OLFM3: variants seen among roughly 807,000 people sequenced by gnomAD.
OLFM3 encodes the protein olfactomedin 3.
OLFM3 carries 20 observed loss-of-function variants against 48.6 expected under a neutral mutation model. The ratio of observed to expected loss-of-function variants is 0.41; its 90% CI spans 0.29 to 0.60. OLFM3 has a LOEUF of 0.60. OLFM3 is among the 20% of genes least tolerant of loss of function. The pLI is 0.28. For missense variants in OLFM3, 437 were observed against 544.3 expected (o/e 0.80, Z 1.96); for synonymous variants, 222 against 198.1 (o/e 1.12, Z -1.01).
At chr1:101,901,810 A>G (rs1658396046) in intron 1 of OLFM3, among the ~76,000 whole-genome samples, 2 of 152,080 alleles carry the variant, frequency 1.3e-5, no homozygotes, top group South Asian at 4.1e-4. Flanking sequence ...CAGGAGAGTC[A>G]GTGGAAAAGT....
chr1:101,978,628 T>C lies in OLFM3; in HGVS notation c.69+18120A>G, dbSNP rs116024901. Among the ~76,000 whole-genome samples the C allele has an allele frequency of 1.1e-3, 170 of 152,308 alleles. 1 individual carries two copies. Among genetic ancestry groups the C allele is most frequent in the African/African-American group, 3.8e-3 (160 of 41,586 alleles). Reference sequence around the variant, plus strand: ...AATTAATGTAATTAGTTTTGATCATTGAGGTTTCACTCTTTAGTAGTAACC... The same window carrying C: ...AATTAATGTAATTAGTTTTGATCATCGAGGTTTCACTCTTTAGTAGTAACC... On this transcript the variant is annotated intron_variant, in intron 1 of 5. Transcript: ENST00000370103.
At chr1:101,855,197 T>A (rs905018473) in intron 1 of OLFM3, among the ~76,000 whole-genome samples, 45 of 152,230 alleles carry the variant, frequency 3.0e-4, no homozygotes, top group African/African-American at 1.0e-3. Flanking sequence ...AGAAGCTTCC[T>A]TATTTAAGCC....
Position 101,803,084 on chromosome 1 carries a change from C to G in OLFM3, c.*1154G>C, listed in dbSNP as rs1230880655. On this transcript the variant is annotated 3_prime_UTR_variant, in exon 6 of 6. Transcript: ENST00000370103. ...AACCACAAAGACAACTCCCAAGTCT[C>G]CCCATATTTTATTTTGCACAAATCT... 4 of 152,084 alleles carry G rather than the reference C, an allele frequency of 2.6e-5. No individual in the cohort carries two copies. In the South Asian group the frequency reaches 6.2e-4, roughly 24 times the overall value. The allele number at this position is 152,084 out of a possible 1,614,324, so 9.4% of individuals were successfully genotyped here. A position where few individuals can be genotyped will look rare whatever the true frequency, so the allele number is the denominator to read the frequency against.
intron 4 of OLFM3, among the ~76,000 whole-genome samples, chr1:101,824,349 A>G (rs1318671945): frequency 6.6e-6 from 1 of 152,142 alleles, no homozygotes; most frequent in Non-Finnish European, 1.5e-5. Context: ...TCAGTTAAAT[A>G]ATTAGCTCAT....
At chr1:101,919,420 A>G (rs1199388511) in intron 1 of OLFM3, among the ~76,000 whole-genome samples, 3 of 152,186 alleles carry the variant, frequency 2.0e-5, no homozygotes, top group Non-Finnish European at 2.9e-5. Context: ...GTCACCAGTG[A>G]TCACCACACT....
chr1:101,857,996 C>G (rs1656499499), intron 1 of OLFM3, among the ~76,000 whole-genome samples: 1 of 152,032 alleles, frequency 6.6e-6, no homozygotes, highest in Non-Finnish European at 1.5e-5. Context: ...ATGTGTAGGT[C>G]ACAATTTACA....
At chr1:101,852,028 C>G (rs1436073387) in intron 1 of OLFM3, among the ~76,000 whole-genome samples, 1 of 152,088 alleles carries the variant, frequency 6.6e-6, no homozygotes, top group Non-Finnish European at 1.5e-5. Flanking sequence ...TTATATCTCT[C>G]TCACCTACTC....
intron 5 of OLFM3, among the ~76,000 whole-genome samples, chr1:101,805,604 T>C (rs1653733548): frequency 6.6e-6 from 1 of 151,796 alleles, no homozygotes; most frequent in Admixed American, 6.6e-5. Context: ...CGCTATTTCT[T>C]TTAAAATTAC....
chr1:101,806,751 T>C (rs1653796246), intron 4 of OLFM3, among the ~76,000 whole-genome samples: 1 of 151,712 alleles, frequency 6.6e-6, no homozygotes, highest in Non-Finnish European at 1.5e-5. Flanking sequence ...AAATGCCTTA[T>C]ACAGCTAACA....
rs1475697809 is a variant in OLFM3 at position 101,862,984 on chromosome 1, A to G, written c.70-25959T>C. 4.1e-5 allele frequency among the ~76,000 whole-genome samples: 6 copies of G among 146,050 alleles called. No individual in the cohort carries two copies. In the Admixed American group the frequency reaches 4.2e-4, roughly 10 times the overall value. On this transcript the variant is annotated intron_variant, in intron 1 of 5. Coordinates refer to ENST00000370103, the MANE Select transcript of OLFM3 (RefSeq NM_058170.4). ...TTCAGTATTGGTAAAAATAAATCCT[A>G]TGTAATTAGTTTTTTTTTTTTTTTG...
intron 2 of OLFM3, among the ~76,000 whole-genome samples, chr1:101,833,685 A>C (rs1022269551): frequency 6.6e-6 from 1 of 152,152 alleles, no homozygotes; most frequent in Non-Finnish European, 1.5e-5. Context: ...TCTGGACTTA[A>C]ACACAAATTA....
At chr1:101,837,079 G>C in intron 1 of OLFM3, 54 bp from the exon 2 acceptor site, 1 of 1,538,566 alleles carries the variant, frequency 6.5e-7, no homozygotes, top group Non-Finnish European at 8.8e-7. Context: ...AGGATAAAAA[G>C]AGTGTTGGTT....
intron 1 of OLFM3, among the ~76,000 whole-genome samples, chr1:101,955,361 T>C (rs755943927): frequency 3.9e-5 from 6 of 152,026 alleles, no homozygotes; most frequent in Non-Finnish European, 7.4e-5. Context: ...TCTAATTCTT[T>C]GTAAAAGTAA....
chr1:101,851,143 G>A (rs1472086332), intron 1 of OLFM3, among the ~76,000 whole-genome samples: 3 of 152,122 alleles, frequency 2.0e-5, no homozygotes, highest in Admixed American at 2.0e-4. Flanking sequence ...CCTGGATGGG[G>A]TGTGGTTTGA....
At chr1:101,950,147 T>C (rs991068960) in intron 1 of OLFM3, among the ~76,000 whole-genome samples, 1 of 152,130 alleles carries the variant, frequency 6.6e-6, no homozygotes, top group African/African-American at 2.4e-5. Context: ...GCTACTTTCT[T>C]AATATCATCT....
chr1:101,882,238 A>G (rs560448234), intron 1 of OLFM3, among the ~76,000 whole-genome samples: 1 of 150,218 alleles, frequency 6.7e-6, no homozygotes, highest in East Asian at 2.0e-4. Context: ...CAAATTTTCA[A>G]AAATGTTATA....
chr1:101,806,601 T>G (rs1358704014), intron 4 of OLFM3, among the ~76,000 whole-genome samples: 1 of 151,764 alleles, frequency 6.6e-6, no homozygotes, highest in Non-Finnish European at 1.5e-5. Context: ...ATGGATAACT[T>G]ATACCAGCCA....
At chr1:101,846,021 T>C (rs914923685) in intron 1 of OLFM3, among the ~76,000 whole-genome samples, 6 of 152,228 alleles carry the variant, frequency 3.9e-5, no homozygotes, top group Admixed American at 3.9e-4. Context: ...GGCAGAGGAA[T>C]TATTTTCTAA....
At chr1:101,854,165 TAA>T (rs34523237) in intron 1 of OLFM3, among the ~76,000 whole-genome samples, 14 of 151,424 alleles carry the variant, frequency 9.2e-5, no homozygotes, top group Middle Eastern at 3.4e-3. Flanking sequence ...AAGACAGATT[TAA>T]AAAAAAATGG....
Sources: gnomAD v4.1 joint callset for allele counts (sites outside exome capture counted in the v4.1 genomes callset) on GRCh38, gnomAD v4.1.1 for gene constraint, MANE v1.5 for transcripts, NCBI Gene and HGNC (gene_info 2026-07-23, HGNC 2026-07-21) for gene names.